The following KCNJ16 variants were observed in gnomAD, a reference collection of about 807,000 sequenced individuals.
KCNJ16 encodes inward rectifier potassium channel 16.
Under a neutral mutation model 18.5 loss-of-function variants are expected in KCNJ16, and 15 were observed. The observed-to-expected ratio is 0.81, with a 90% CI of 0.54 to 1.25. The LOEUF (loss-of-function observed/expected upper bound fraction) is 1.25. Ranked by LOEUF, KCNJ16 falls within the 50% of genes most tolerant of loss-of-function variation. The pLI is 0.00. For missense variants in KCNJ16, 523 were observed against 525.7 expected (o/e 0.99, Z 0.05); for synonymous variants, 174 against 186.5 (o/e 0.93, Z 0.55).
At chr17:70,102,080 T>C (rs2072653951) in intron 2 of KCNJ16, 1 of 152,132 alleles carries the variant, frequency 6.6e-6, no homozygotes, top group South Asian at 2.1e-4. Flanking sequence ...TTGAAGCCAG[T>C]GGTTAGTAAC....
chr17:70,084,739 T>C (rs558597212), intron 1 of KCNJ16, among the ~76,000 whole-genome samples: 66 of 152,268 alleles, frequency 4.3e-4, no homozygotes, highest in Non-Finnish European at 7.4e-4. Context: ...CCAGAGGTGT[T>C]TGCCCCGCTT....
chr17:70,108,472 G>A (rs1333599071), intron 2 of KCNJ16: 1 of 150,484 alleles, frequency 6.6e-6, no homozygotes, highest in East Asian at 1.9e-4. Flanking sequence ...TAGTTTAAAA[G>A]ACAAATCAGT....
intron 2 of KCNJ16, among the ~76,000 whole-genome samples, chr17:70,124,851 A>G (rs1409741682): frequency 1.3e-5 from 2 of 152,156 alleles, no homozygotes; most frequent in African/African-American, 4.8e-5. Flanking sequence ...GCAAAGGAGT[A>G]AGCAGTGATA....
At chr17:70,103,631 T>C (rs978958323) in intron 2 of KCNJ16, among the ~76,000 whole-genome samples, 5 of 152,078 alleles carry the variant, frequency 3.3e-5, no homozygotes, top group African/African-American at 1.2e-4. Context: ...ATCCTTCTCC[T>C]TTCTAACTAC....
chr17:70,075,834 C>T (rs2071282036), intron 1 of KCNJ16, among the ~76,000 whole-genome samples: 1 of 46,516 alleles, frequency 2.1e-5, no homozygotes, highest in Admixed American at 1.9e-4. Context: ...AGAGAAAATA[C>T]ACGTTAACTT....
intron 2 of KCNJ16, chr17:70,102,054 A>T (rs1277629705): frequency 6.6e-6 from 1 of 152,014 alleles, no homozygotes; most frequent in Non-Finnish European, 1.5e-5. Flanking sequence ...TGAATTATTC[A>T]TTTTCACCTG....
intron 2 of KCNJ16, among the ~76,000 whole-genome samples, chr17:70,119,146 C>T (rs1182077419): frequency 1.3e-5 from 2 of 152,238 alleles, no homozygotes; most frequent in Non-Finnish European, 2.9e-5. Flanking sequence ...GACTCCATGG[C>T]CCACATCCAG....
At chr17:70,122,469 G>A (rs992009536) in intron 2 of KCNJ16, among the ~76,000 whole-genome samples, 14 of 152,216 alleles carry the variant, frequency 9.2e-5, no homozygotes, top group African/African-American at 2.6e-4. Context: ...GAGTCACCAC[G>A]CCTGGCCAGA....
rs1567784556 is a variant in KCNJ16 at position 70,095,870 on chromosome 17, C to CTCTTTTTTTTTTT, written c.-299-4787_-299-4786insCTTTTTTTTTTTT. Among the ~76,000 whole-genome samples, 12 of 95,390 alleles carry CTCTTTTTTTTTTT rather than the reference C, an allele frequency of 1.3e-4. 2 individuals carry two copies. The highest frequency in any genetic ancestry group is 5.0e-4 in the African/African-American group (12 of 24,196). 62.6% of individuals were successfully genotyped at this position (95,390 alleles called of 152,430 possible). ...ATTTGGCATTTTATATTACTTAATC[C>CTCTTTTTTTTTTT]TTTTTTTTTTTTTTTTTTTTTTTTT... On this transcript the variant is annotated intron_variant, in intron 1 of 3. Transcript: ENST00000392671.
At chr17:70,089,957 C>T (rs1354918227) in intron 1 of KCNJ16, among the ~76,000 whole-genome samples, 2 of 152,206 alleles carry the variant, frequency 1.3e-5, no homozygotes, top group Admixed American at 6.5e-5. Context: ...GAGGGGATCT[C>T]GACAGGGAAA....
chr17:70,103,714 A>T (rs1039016892), intron 2 of KCNJ16, among the ~76,000 whole-genome samples: 1 of 151,954 alleles, frequency 6.6e-6, no homozygotes, highest in Non-Finnish European at 1.5e-5. Flanking sequence ...TTCCAATCTT[A>T]TATTTCCATT....
chr17:70,084,369 G>C (rs2071697117), intron 1 of KCNJ16, among the ~76,000 whole-genome samples: 2 of 152,150 alleles, frequency 1.3e-5, no homozygotes, highest in African/African-American at 4.8e-5. Context: ...TTAAGTGGTA[G>C]GAGAGAGTCA....
At chr17:70,095,870 CTTTTTTTTTTTTTTTTT>C (rs147216245) in intron 1 of KCNJ16, among the ~76,000 whole-genome samples, 1 of 95,390 alleles carries the variant, frequency 1.0e-5, no homozygotes, top group African/African-American at 4.1e-5. Flanking sequence ...TTACTTAATC[CTTTTTTTTTTTTTTTTT>C]TTTTTTTTTT....
At chr17:70,095,870 C>CTCTTTT (rs1567784556) in intron 1 of KCNJ16, among the ~76,000 whole-genome samples, 3 of 95,390 alleles carry the variant, frequency 3.1e-5, no homozygotes, top group African/African-American at 1.2e-4. Flanking sequence ...TTACTTAATC[C>CTCTTTT]TTTTTTTTTT....
chr17:70,092,533 G>C (rs58480111), intron 1 of KCNJ16, among the ~76,000 whole-genome samples: 2,496 of 41,458 alleles, frequency 0.06, 69 homozygotes, highest in East Asian at 0.11. Flanking sequence ...TACATAGACA[G>C]ATAGATATAG....
chr17:70,077,765 C>T (rs760134182), intron 1 of KCNJ16, among the ~76,000 whole-genome samples: 2 of 151,250 alleles, frequency 1.3e-5, no homozygotes, highest in Non-Finnish European at 2.9e-5. Flanking sequence ...TGCTGGAAAC[C>T]ATGGTAATAA....
intron 1 of KCNJ16, among the ~76,000 whole-genome samples, chr17:70,091,998 A>T (rs935218269): frequency 6.6e-6 from 1 of 152,232 alleles, no homozygotes; most frequent in African/African-American, 2.4e-5. Context: ...TAACACAGAA[A>T]AAAGAATGCT....
At chr17:70,092,375 A>C (rs2072127690) in intron 1 of KCNJ16, among the ~76,000 whole-genome samples, 1 of 152,128 alleles carries the variant, frequency 6.6e-6, no homozygotes, top group East Asian at 1.9e-4. Context: ...AGCATTTCTG[A>C]AAAACAAACT....
At chr17:70,096,867 T>TAA in intron 1 of KCNJ16, 1 of 398,202 alleles carries the variant, frequency 2.5e-6, no homozygotes, top group African/African-American at 2.1e-5. Flanking sequence ...ATATAAACTT[T>TAA]ATTGTTTAGA....
Sources: gnomAD v4.1 joint callset for allele counts (sites outside exome capture counted in the v4.1 genomes callset) on GRCh38, gnomAD v4.1.1 for gene constraint, MANE v1.5 for transcripts, NCBI Gene and HGNC (gene_info 2026-07-23, HGNC 2026-07-21) for gene names.